The following TMEM132D variants were observed in gnomAD, a reference collection of about 807,000 sequenced individuals.
TMEM132D encodes transmembrane protein 132D.
TMEM132D carries 21 observed loss-of-function variants against 62.3 expected under a neutral mutation model. The observed-to-expected ratio is 0.34, with a 90% confidence interval of 0.24 to 0.49. The LOEUF (loss-of-function observed/expected upper bound fraction) is 0.49. Among genes scored for constraint, TMEM132D ranks in the 20% least tolerant of loss-of-function variants. The pLI is 0.99. For synonymous variants in TMEM132D, 621 were observed against 575.6 expected, an observed-to-expected ratio of 1.08 and a Z score of -1.13; for missense variants, 1,346 against 1,402.8, an observed-to-expected ratio of 0.96 and a Z score of 0.65.
At chr12:129,192,167 A>G (rs1174877556) in intron 5 of TMEM132D, among the ~76,000 whole-genome samples, 2 of 152,058 alleles carry the variant, frequency 1.3e-5, no homozygotes, top group African/African-American at 4.8e-5. Context: ...CTGCGTCTGC[A>G]CTCACTGGGG....
At chr12:129,090,698 G>T (rs927583944) in intron 5 of TMEM132D, among the ~76,000 whole-genome samples, 2 of 151,976 alleles carry the variant, frequency 1.3e-5, no homozygotes, top group East Asian at 3.9e-4. Flanking sequence ...AAAAGAAAAC[G>T]GGTTGCAGAA....
At chr12:129,872,321 G>T (rs769798758) in intron 1 of TMEM132D, among the ~76,000 whole-genome samples, 16 of 152,088 alleles carry the variant, frequency 1.1e-4, no homozygotes, top group Non-Finnish European at 1.0e-4. Context: ...GTTTACACAG[G>T]GGGAGGACAA....
intron 3 of TMEM132D, among the ~76,000 whole-genome samples, chr12:129,434,840 A>C (rs1232768365): frequency 6.6e-6 from 1 of 152,132 alleles, no homozygotes; most frequent in Non-Finnish European, 1.5e-5. Context: ...CTTCTCTTCT[A>C]GCTATTTTGA....
chr12:129,092,373 C>T (rs1874954945), intron 5 of TMEM132D, among the ~76,000 whole-genome samples: 1 of 141,384 alleles, frequency 7.1e-6, no homozygotes, highest in Non-Finnish European at 1.5e-5. Context: ...TCCCCTCAAA[C>T]TTTGCAGAAG....
chr12:129,560,524 C>G (rs1468643218), intron 2 of TMEM132D, among the ~76,000 whole-genome samples: 1 of 152,118 alleles, frequency 6.6e-6, no homozygotes. Flanking sequence ...CCCGCCTCAG[C>G]CTCCCAAAGT....
chr12:129,554,154 C>T (rs985281558), intron 2 of TMEM132D, among the ~76,000 whole-genome samples: 4 of 152,154 alleles, frequency 2.6e-5, no homozygotes, highest in East Asian at 1.9e-4. Flanking sequence ...GTGGTGCTCA[C>T]GGCTCACACT....
intron 3 of TMEM132D, among the ~76,000 whole-genome samples, chr12:129,499,615 G>A (rs779099810): frequency 7.9e-5 from 12 of 152,154 alleles, no homozygotes; most frequent in Non-Finnish European, 1.6e-4. Context: ...TAGGGCCCCA[G>A]TAATGGGCAT....
chr12:129,806,710 A>T (rs1871995470), intron 1 of TMEM132D, among the ~76,000 whole-genome samples: 1 of 152,072 alleles, frequency 6.6e-6, no homozygotes, highest in African/African-American at 2.4e-5. Context: ...AGAAAAAAAT[A>T]AAAATAAAAA....
chr12:129,578,174 C>T (rs1032031652), intron 2 of TMEM132D, among the ~76,000 whole-genome samples: 1 of 152,080 alleles, frequency 6.6e-6, no homozygotes, highest in African/African-American at 2.4e-5. Flanking sequence ...CCTCAGTCCT[C>T]GAGCCTTCGG....
chr12:129,425,219 G>C (rs35743939), intron 3 of TMEM132D, among the ~76,000 whole-genome samples: 31,627 of 152,088 alleles, frequency 0.21, 3,549 homozygotes, highest in South Asian at 0.28. Flanking sequence ...ACGTTCATGC[G>C]CAGGTTTTTA....
rs558100113 is a variant in TMEM132D, at chr12:129,502,884, GAAC to G, written c.1115+28172_1115+28174del. 1.8e-4 allele frequency among the ~76,000 whole-genome samples: 28 copies of G among 152,298 alleles called. No homozygotes were observed. The South Asian group carries it at 5.4e-3, about 29-fold the overall frequency. On this transcript the variant is annotated intron_variant, in intron 3 of 8. Transcript: ENST00000422113. ...TAGCTCTACCCCAAGAAAATGAACA[GAAC>G]AATGGGGAGCTGTTGTTCCCAGGCT...
At chr12:129,589,655 T>C (rs997821321) in intron 2 of TMEM132D, among the ~76,000 whole-genome samples, 5 of 152,194 alleles carry the variant, frequency 3.3e-5, no homozygotes, top group African/African-American at 1.2e-4. Flanking sequence ...AACTAGCTGA[T>C]CTCCTTTGGT....
At chr12:129,193,914 G>A (rs935936936) in intron 5 of TMEM132D, among the ~76,000 whole-genome samples, 1 of 152,170 alleles carries the variant, frequency 6.6e-6, no homozygotes, top group African/African-American at 2.4e-5. Flanking sequence ...TCTACAGAAA[G>A]GTAAAATTTG....
chr12:129,185,793 A>G (rs544520361), intron 5 of TMEM132D, among the ~76,000 whole-genome samples: 5 of 113,740 alleles, frequency 4.4e-5, no homozygotes, highest in South Asian at 2.8e-4. Context: ...CTATCTATCT[A>G]TCTATCTATC....
At chr12:129,895,831 T>G (rs969644543) in intron 1 of TMEM132D, among the ~76,000 whole-genome samples, 1 of 146,472 alleles carries the variant, frequency 6.8e-6, no homozygotes, top group Non-Finnish European at 1.5e-5. Context: ...AAAAAAAAAA[T>G]TACTTGGTGA....
At chr12:129,463,465 TTTATGTA>T (rs1282313348) in intron 3 of TMEM132D, among the ~76,000 whole-genome samples, 1 of 89,682 alleles carries the variant, frequency 1.1e-5, no homozygotes, top group East Asian at 3.0e-4. Flanking sequence ...TATTTATTTA[TTTATGTA>T]TTATTATTAT....
At chr12:129,793,138 T>C (rs1486669209) in intron 1 of TMEM132D, among the ~76,000 whole-genome samples, 1 of 151,568 alleles carries the variant, frequency 6.6e-6, no homozygotes, top group African/African-American at 2.4e-5. Flanking sequence ...GGTTTCAAAC[T>C]CCAAGGCTAA....
At position 129,237,195 on chromosome 12, in the gene TMEM132D, T is replaced by C. The variant is rs148450233; in HGVS notation, c.1300-27532A>G. Among the ~76,000 whole-genome samples the C allele has an allele frequency of 1.2e-3, 180 of 152,280 alleles. 3 individuals carry two copies. In the East Asian group the frequency reaches 0.031, roughly 27 times the overall value. On this transcript the variant is annotated intron_variant, in intron 4 of 8. Transcript: ENST00000422113. ...ATTAGCCTGTGGTTTTCTTTGCTTG[T>C]AGTAGTTACCTCTTCTTCAATTTTT...
chr12:129,519,752 G>A (rs1875796478), intron 3 of TMEM132D, among the ~76,000 whole-genome samples: 1 of 151,880 alleles, frequency 6.6e-6, no homozygotes, highest in Admixed American at 6.6e-5. Context: ...GGGATTACAG[G>A]TGCCCACCAC....
Sources: allele counts gnomAD v4.1 joint callset (sites outside exome capture counted in the v4.1 genomes callset), GRCh38; gene constraint gnomAD v4.1.1; transcripts MANE v1.5; gene names NCBI Gene and HGNC (gene_info 2026-07-23, HGNC 2026-07-21).